NME6: variants seen among roughly 807,000 people sequenced by gnomAD.
NME6 encodes the protein nucleoside diphosphate kinase 6, mitochondrial.
NME6 carries 16 observed loss-of-function variants against 22.2 expected under a neutral mutation model. That is an observed-to-expected ratio of 0.72 (90% CI 0.49 to 1.09). The LOEUF (loss-of-function observed/expected upper bound fraction) is 1.09. Ranked by LOEUF, NME6 falls within the 50% of genes least tolerant of loss-of-function variation. NME6 has a pLI of 0.00. For synonymous variants in NME6, 58 were observed against 85.2 expected (o/e 0.68, Z 1.76); for missense variants, 229 against 239.0 (o/e 0.96, Z 0.28).
In NME6 at chr3:48,294,597, G is replaced by C; in HGVS notation, c.*40C>G. 6.2e-7 allele frequency: 1 copy of C among 1,600,774 alleles called. No individual in the cohort carries two copies. The highest frequency in any genetic ancestry group is 8.5e-7 in the Non-Finnish European group (1 of 1,169,886). On this transcript the variant is annotated 3_prime_UTR_variant, in exon 6 of 6. Coordinates refer to ENST00000442597, the MANE Select transcript of NME6 (RefSeq NM_001308426.2). ...AGAATGTTTTAGACTAGATGTCTAG[G>C]AGAAGTCTGGGCACTACCACTGGTC...
chr3:48,296,094 G>C (rs748352253), intron 4 of NME6, 25 bp downstream of exon 4: 1 of 1,479,458 alleles, frequency 6.8e-7, no homozygotes, highest in Non-Finnish European at 9.5e-7. Flanking sequence ...AGTGGATAAA[G>C]ATGCTGGAAC....
At chr3:48,287,773 A>C (rs191739916), downstream of NME6, 11 of 152,300 alleles carry the variant, frequency 7.2e-5, 1 homozygote, top group East Asian at 2.1e-3. Context: ...AGGTTCGCCC[A>C]TTGTTCATCC....
chr3:48,301,125 C>A (rs949711416), intron 1 of NME6: 3 of 669,098 alleles, frequency 4.5e-6, no homozygotes, highest in Non-Finnish European at 7.2e-6. Context: ...TCCTGGAGGG[C>A]GGCGGCCCAG....
chr3:48,300,981 G>C (rs545789076), intron 1 of NME6, among the ~76,000 whole-genome samples: 1 of 152,138 alleles, frequency 6.6e-6, no homozygotes, highest in Non-Finnish European at 1.5e-5. Flanking sequence ...TCTGGAGGCG[G>C]AGGCTGCAGT....
At chr3:48,295,440 G>T in intron 4 of NME6, 1 of 556,370 alleles carries the variant, frequency 1.8e-6, no homozygotes, top group Non-Finnish European at 3.1e-6. Flanking sequence ...TGGCTATGCA[G>T]CATTCAAGGG....
chr3:48,287,790 G>C (rs2034252964), downstream of NME6, among the ~76,000 whole-genome samples: 1 of 152,120 alleles, frequency 6.6e-6, no homozygotes, highest in Admixed American at 6.5e-5. Context: ...ATCCTAACAA[G>C]AAGGAAGCAG....
chr3:48,287,740 G>T (rs2106866666), downstream of NME6: 1 of 152,326 alleles, frequency 6.6e-6, no homozygotes, highest in South Asian at 2.1e-4. Context: ...ACAGATTGGG[G>T]TAACTTTAAA....
At position 48,292,909 on chromosome 3, in the gene NME6, T is replaced by A. The variant is rs775211641; in HGVS notation, c.*1728A>T. 6.6e-6 allele frequency: 1 copy of A among 152,208 alleles called. No individual in the cohort carries two copies. Among genetic ancestry groups the A allele is most frequent in the Admixed American group, 6.5e-5 (1 of 15,268 alleles). 9.4% of individuals were successfully genotyped at this position (152,208 alleles called of 1,614,324 possible). A position where few individuals can be genotyped will look rare whatever the true frequency, so the allele number is the denominator to read the frequency against. On this transcript the variant is annotated 3_prime_UTR_variant, in exon 6 of 6. Transcript: ENST00000442597. ...GACAGAGATAGTATCTCCCTAAGAT[T>A]GTGGTTCCTTAGCCGTCATGCAAAC...
chr3:48,297,306 G>A (rs1383034733), intron 2 of NME6, among the ~76,000 whole-genome samples: 1 of 152,092 alleles, frequency 6.6e-6, no homozygotes, highest in Non-Finnish European at 1.5e-5. Flanking sequence ...TCTCACCATC[G>A]CAGGCTGCCT....
At chr3:48,298,306 A>T in intron 2 of NME6, 121 bp downstream of exon 2, 2 of 857,390 alleles carry the variant, frequency 2.3e-6, no homozygotes, top group South Asian at 1.4e-5. Context: ...CATGGCTTCT[A>T]GCTTTGCCTC....
Position 48,294,779 on chromosome 3 carries a change from T to G in NME6, c.419A>C (p.Glu140Ala), listed in dbSNP as rs2034883277. ...GAAGTCAGGGAAGAAGGCTGCAATC[T>G]CTCTGCTGGCTGAAACCACAGAGTC... ...GSDSVVSASR[E>A]IAAFFPDFSE... The change falls in exon 6 of 6, where the codon GAG becomes GCG. Residue 140 changes from glutamate to alanine, a missense_variant. Transcript: ENST00000442597. 6.2e-7 allele frequency: 1 copy of G among 1,614,024 alleles called. No individual in the cohort carries two copies. Among genetic ancestry groups the G allele is most frequent in the Non-Finnish European group, 8.5e-7 (1 of 1,179,970 alleles).
At position 48,293,294 on chromosome 3, in the gene NME6, T is replaced by A. The variant is rs2034697119; in HGVS notation, c.*1343A>T. 1 of 152,214 alleles carries A rather than the reference T, an allele frequency of 6.6e-6. No individual in the cohort carries two copies. The highest frequency in any genetic ancestry group is 2.4e-5 in the African/African-American group (1 of 41,440). 9.4% of individuals were successfully genotyped at this position (152,214 alleles called of 1,614,324 possible). A position where few individuals can be genotyped will look rare whatever the true frequency, so the allele number is the denominator to read the frequency against. Reference sequence around the variant, plus strand: ...ATATTTTGCACAGCTTTTCTAGTTGTTCTCTATGTTCAGTGGGTCCAAATT... The same window carrying A: ...ATATTTTGCACAGCTTTTCTAGTTGATCTCTATGTTCAGTGGGTCCAAATT... On this transcript the variant is annotated 3_prime_UTR_variant, in exon 6 of 6. Coordinates refer to ENST00000442597, the MANE Select transcript of NME6 (RefSeq NM_001308426.2).
At chr3:48,300,960 A>G (rs1457907018) in intron 1 of NME6, among the ~76,000 whole-genome samples, 1 of 152,120 alleles carries the variant, frequency 6.6e-6, no homozygotes. Flanking sequence ...AGGCAGGAGC[A>G]TTACTTGAAC....
chr3:48,301,316 G>C, intron 1 of NME6, 37 bp downstream of exon 1: 1 of 1,591,950 alleles, frequency 6.3e-7, no homozygotes, highest in Non-Finnish European at 8.6e-7. Flanking sequence ...GGGTCATTCG[G>C]AGCCCCAGTG....
chr3:48,296,823 G>T lies in NME6; in HGVS notation c.97C>A (p.His33Asn). ...VAHPLILEAV[H>N]QQILSNKFLI... ...AACTTGTTGCTTAGAATCTGCTGATGAACAGCCTGAATAAAGACCATCCCC... is the reference window on the plus strand; with the variant it reads ...AACTTGTTGCTTAGAATCTGCTGATTAACAGCCTGAATAAAGACCATCCCC... Residue 33 changes from histidine (H) to asparagine (N), a missense_variant, in exon 3 of 6, where the codon CAT becomes AAT. Transcript: ENST00000442597. 2 of 1,610,750 alleles carry T rather than the reference G, an allele frequency of 1.2e-6. No homozygotes were observed. Among genetic ancestry groups the T allele is most frequent in the Non-Finnish European group, 1.7e-6 (2 of 1,177,758 alleles).
At chr3:48,300,634 C>T in intron 1 of NME6, 1 of 278,570 alleles carries the variant, frequency 3.6e-6, no homozygotes, top group East Asian at 1.0e-4. Context: ...GAACACGCGG[C>T]CTGTAGGGAG....
chr3:48,294,662 C>T lies in NME6; in HGVS notation c.536G>A (p.Gly179Glu). 1 of 1,614,158 alleles carries T rather than the reference C, an allele frequency of 6.2e-7. No individual in the cohort carries two copies. Among genetic ancestry groups the T allele is most frequent in the Non-Finnish European group, 8.5e-7 (1 of 1,180,030 alleles). The change falls in exon 6 of 6, where the codon GGA (glycine) becomes GAA (glutamate). Residue 179 changes from glycine to glutamate, a missense_variant. Gly to Glu is a moderately conservative substitution (Grantham distance 98, BLOSUM62 -2). Transcript: ENST00000442597. ...SPEGGVHYVAGTGGLGPA is the reference protein window; with the variant it reads ...SPEGGVHYVAETGGLGPA ...TCAGGCTGGTCCTAGGCCTCCTGTTCCAGCTACATAGTGGACACCTCCCTC... is the reference window on the plus strand; with the variant it reads ...TCAGGCTGGTCCTAGGCCTCCTGTTTCAGCTACATAGTGGACACCTCCCTC...
chr3:48,289,315 C>T (rs2034307185), downstream of NME6, among the ~76,000 whole-genome samples: 2 of 152,122 alleles, frequency 1.3e-5, no homozygotes, highest in African/African-American at 2.4e-5. Flanking sequence ...CTGCCCTGCC[C>T]ACCTCGGCCT....
chr3:48,291,267 A>G (rs1338025102), downstream of NME6: 2 of 397,640 alleles, frequency 5.0e-6, no homozygotes, highest in East Asian at 7.8e-5. Context: ...GCATGCTGGG[A>G]TATTTCTTTT....
Sources: allele counts gnomAD v4.1 joint callset (sites outside exome capture counted in the v4.1 genomes callset), GRCh38; gene constraint gnomAD v4.1.1; transcripts MANE v1.5; gene names NCBI Gene and HGNC (gene_info 2026-07-23, HGNC 2026-07-21).